NFASC: variants seen among roughly 807,000 people sequenced by gnomAD.
The protein encoded by NFASC is neurofascin homolog.
Under a neutral mutation model 147.5 loss-of-function variants are expected in NFASC, and 43 were observed. The observed-to-expected ratio is 0.29, with a 90% CI of 0.23 to 0.38. The LOEUF (loss-of-function observed/expected upper bound fraction) is 0.38, where lower values mean the gene tolerates loss of function less well. NFASC is among the 10% of genes least tolerant of loss of function. The pLI is 1.00. For missense variants in NFASC, 1,320 were observed against 1,689.0 expected (o/e 0.78, Z 3.83); for synonymous variants, 622 against 665.5 (o/e 0.93, Z 1.01).
intron 1 of NFASC, among the ~76,000 whole-genome samples, chr1:204,848,222 A>T (rs1181101148): frequency 6.6e-6 from 1 of 151,984 alleles, no homozygotes; most frequent in Non-Finnish European, 1.5e-5. Flanking sequence ...CCCCTTTTTC[A>T]TCACTTTTGG....
At position 205,016,805 on chromosome 1, in the gene NFASC, G is replaced by A. The variant is rs2096366216; in HGVS notation, c.*266G>A. ...CTGGAGGGAGCCTGGCCCCTTGCCC[G>A]GTCTCGCAGCCACCCCGAGCGTTCC... is the stretch of plus-strand genomic sequence containing the variant. On this transcript the variant is annotated 3_prime_UTR_variant, in exon 30 of 30. Transcript: ENST00000339876. The surrounding 1 kb of genome is among the most constrained non-coding windows in gnomAD (Gnocchi z 5.1). 11 of 537,970 alleles carry A rather than the reference G, an allele frequency of 2.0e-5. No individual in the cohort carries two copies. The highest frequency in any genetic ancestry group is 5.6e-5 in the South Asian group (3 of 53,756). The allele number at this position is 537,970 out of a possible 1,614,324, so 33.3% of individuals were successfully genotyped here.
chr1:204,941,959 A>C (rs961963319), intron 2 of NFASC, among the ~76,000 whole-genome samples: 1 of 152,162 alleles, frequency 6.6e-6, no homozygotes, highest in African/African-American at 2.4e-5. Context: ...TAAAAAGCAC[A>C]TGATGGTCCA....
chr1:205,001,054 C>T lies in NFASC; in HGVS notation c.3020-116C>T, dbSNP rs150710455. On this transcript the variant is annotated intron_variant, in intron 25 of 29. Coordinates refer to ENST00000339876, the MANE Select transcript of NFASC (RefSeq NM_001005388.3). Reference sequence around the variant, plus strand: ...CTAGATGACTGTGTGTACATGTGTGCGTGCGCGAGTGTGGGCATGTGCGTG... The same window carrying T: ...CTAGATGACTGTGTGTACATGTGTGTGTGCGCGAGTGTGGGCATGTGCGTG... The T allele has an allele frequency of 1.3e-3, 930 of 707,356 alleles. 9 individuals carry two copies. Among genetic ancestry groups the T allele is most frequent in the East Asian group, 0.012 (427 of 36,722 alleles). 43.8% of individuals were successfully genotyped at this position (707,356 alleles called of 1,614,324 possible). A position where few individuals can be genotyped will look rare whatever the true frequency, so the allele number is the denominator to read the frequency against.
intron 1 of NFASC, among the ~76,000 whole-genome samples, chr1:204,917,475 C>T (rs1184036573): frequency 6.6e-6 from 1 of 152,128 alleles, no homozygotes; most frequent in Non-Finnish European, 1.5e-5. Flanking sequence ...CACCTATGCC[C>T]CTACCCACTT....
intron 21 of NFASC, chr1:204,984,175 C>A: frequency 1.4e-6 from 2 of 1,445,904 alleles, no homozygotes. Flanking sequence ...CACCTAACTA[C>A]CCAGCTCACT....
chr1:204,833,513 A>C lies in NFASC; in HGVS notation c.-200+4731A>C, dbSNP rs193252349. On this transcript the variant is annotated intron_variant, in intron 1 of 29. Coordinates refer to ENST00000339876, the MANE Select transcript of NFASC (RefSeq NM_001005388.3). The stretch of plus-strand genomic sequence containing the variant: ...TAAAAAGCTAGGATGTTTTATCCAC[A>C]TGCACAAGGCTTTCTAGGAAAATCT... 2.6e-3 allele frequency among the ~76,000 whole-genome samples: 364 copies of C among 141,652 alleles called. 1 individual carries two copies. The highest frequency in any genetic ancestry group is 0.015 in the Middle Eastern group (4 of 274). The allele number at this position is 141,652 out of a possible 152,430, so 92.9% of individuals were successfully genotyped here.
rs755532386 is a variant in NFASC, at chr1:205,016,725, C to A, written c.*186C>A. On this transcript the variant is annotated 3_prime_UTR_variant, in exon 30 of 30. Transcript: ENST00000339876. The surrounding 1 kb of genome is among the most constrained non-coding windows in gnomAD (Gnocchi z 5.1). ...CCACAAGCCCCCTCCCAATGACCCC[C>A]CTTCAGCCCCGGGTGCCACCAGTGT... The A allele has an allele frequency of 2.1e-4, 138 of 665,392 alleles. No individual in the cohort carries two copies. The highest frequency in any genetic ancestry group is 3.3e-4 in the Non-Finnish European group (119 of 363,030). 41.2% of individuals were successfully genotyped at this position (665,392 alleles called of 1,614,324 possible).
chr1:204,999,673 T>C (rs1167578112), intron 25 of NFASC: 1 of 114,828 alleles, frequency 8.7e-6, no homozygotes, highest in African/African-American at 2.6e-5. Flanking sequence ...TCACTTAATA[T>C]GAATCATATT....
intron 1 of NFASC, among the ~76,000 whole-genome samples, chr1:204,895,660 C>G (rs974587335): frequency 6.6e-6 from 1 of 152,178 alleles, no homozygotes; most frequent in Non-Finnish European, 1.5e-5. Context: ...AACATCTGAA[C>G]TATTCATTTC....
chr1:204,894,942 A>C (rs909616112), intron 1 of NFASC, among the ~76,000 whole-genome samples: 13 of 152,166 alleles, frequency 8.5e-5, no homozygotes, highest in Admixed American at 7.9e-4. Flanking sequence ...CTACCTAATT[A>C]CTAACAGTGT....
intron 2 of NFASC, among the ~76,000 whole-genome samples, chr1:204,928,999 TTAA>T (rs1211866189): frequency 6.6e-6 from 1 of 152,218 alleles, no homozygotes; most frequent in Non-Finnish European, 1.5e-5. Flanking sequence ...CTTCCCCAGC[TTAA>T]TAATAGCCAA....
At chr1:204,969,384 G>T (rs2095125888) in intron 10 of NFASC, among the ~76,000 whole-genome samples, 1 of 152,156 alleles carries the variant, frequency 6.6e-6, no homozygotes, top group African/African-American at 2.4e-5. Context: ...TTTTAAAACT[G>T]GGGAGTGGTC....
chr1:204,829,729 C>T (rs1450793055), intron 1 of NFASC, among the ~76,000 whole-genome samples: 1 of 152,162 alleles, frequency 6.6e-6, no homozygotes, highest in African/African-American at 2.4e-5. Context: ...AGGGGAATGA[C>T]TGAGCAGACT....
chr1:204,985,868 C>T, intron 21 of NFASC: 2 of 1,402,248 alleles, frequency 1.4e-6, no homozygotes, highest in Non-Finnish European at 2.0e-6. Flanking sequence ...CTAACCCAGC[C>T]CTGCCTGCCT....
At chr1:204,936,198 C>CTTTTTTTTTTTTTTTTT (rs749844237) in intron 2 of NFASC, among the ~76,000 whole-genome samples, 1 of 71,880 alleles carries the variant, frequency 1.4e-5, no homozygotes. Flanking sequence ...CTCTCTCTTT[C>CTTTTTTTTTTTTTTTTT]TTTTTCTTTT....
At chr1:204,976,818 G>C in intron 16 of NFASC, 23 bp downstream of exon 16, 1 of 1,605,768 alleles carries the variant, frequency 6.2e-7, no homozygotes. Flanking sequence ...GCTCACCCTG[G>C]CACTGACCAG....
intron 2 of NFASC, 60 bp from the exon 3 acceptor site, chr1:204,944,165 AT>A: frequency 3.4e-6 from 5 of 1,464,254 alleles, no homozygotes; most frequent in Non-Finnish European, 4.6e-6. Context: ...GCCCTGTAGG[AT>A]TGCTAGAGCA....
intron 2 of NFASC, among the ~76,000 whole-genome samples, chr1:204,925,706 A>G (rs2091371299): frequency 6.6e-6 from 1 of 152,122 alleles, no homozygotes; most frequent in South Asian, 2.1e-4. Flanking sequence ...AGCTCAGCCT[A>G]TGGTTTTCAA....
rs376723876 is a variant in NFASC, at chr1:205,012,984, T to C, written c.3491+118T>C. The C allele has an allele frequency of 1.6e-5, 12 of 739,302 alleles. No individual in the cohort carries two copies. The African/African-American group carries it at 2.1e-4, about 13-fold the overall frequency. The allele number at this position is 739,302 out of a possible 1,614,324, so 45.8% of individuals were successfully genotyped here. A position where few individuals can be genotyped will look rare whatever the true frequency, so the allele number is the denominator to read the frequency against. ...GGCCATGAGTAGCTGTCCTTGCCCA[T>C]TGGGCTGTGACTCTGCCTCTCTGGT... On this transcript the variant is annotated intron_variant, in intron 29 of 29. Transcript: ENST00000339876.
Sources: allele counts gnomAD v4.1 joint callset (sites outside exome capture counted in the v4.1 genomes callset), GRCh38; gene constraint gnomAD v4.1.1; non-coding constraint Gnocchi (gnomAD v3.1); transcripts MANE v1.5; gene names NCBI Gene and HGNC (gene_info 2026-07-23, HGNC 2026-07-21).